Variants in TNR observed in about 807,000 individuals in gnomAD.
TNR encodes tenascin-R.
TNR carries 45 observed loss-of-function variants against 150.4 expected under a neutral mutation model. That is an observed-to-expected ratio of 0.30 (90% CI 0.24 to 0.38). The LOEUF (loss-of-function observed/expected upper bound fraction) is 0.38, where lower values mean the gene tolerates loss of function less well. Ranked by LOEUF, TNR falls within the 10% of genes least tolerant of loss-of-function variation. TNR has a pLI of 1.00. For synonymous variants in TNR, 687 were observed against 678.4 expected, an observed-to-expected ratio of 1.01 and a Z score of -0.20; for missense variants, 1,544 against 1,759.1, an observed-to-expected ratio of 0.88 and a Z score of 2.19.
intron 1 of TNR, among the ~76,000 whole-genome samples, chr1:175,567,172 T>G (rs1227911502): frequency 4.6e-5 from 7 of 152,178 alleles, no homozygotes; most frequent in South Asian, 4.1e-4. Context: ...CTAAAAATCA[T>G]GTGTGTATAA....
rs368643229 is a variant in TNR, at chr1:175,573,714, C to T, written c.-164-45345G>A. On this transcript the variant is annotated intron_variant, in intron 1 of 22. Transcript: ENST00000367674. Reference sequence around the variant, plus strand: ...CTGGGGCACTGGCAGATTTCCAGCACGGCTGGGGGTGGCAGGGTGGGCGTG... The same window carrying T: ...CTGGGGCACTGGCAGATTTCCAGCATGGCTGGGGGTGGCAGGGTGGGCGTG... Among the ~76,000 whole-genome samples the T allele has an allele frequency of 2.3e-4, 35 of 152,296 alleles. No individual in the cohort carries two copies. The South Asian group carries it at 2.5e-3, about 11-fold the overall frequency.
intron 1 of TNR, among the ~76,000 whole-genome samples, chr1:175,638,467 G>T (rs996791084): frequency 3.3e-5 from 5 of 152,164 alleles, no homozygotes; most frequent in Non-Finnish European, 5.9e-5. Context: ...GCGGTAAGTG[G>T]GCACTCGTGC....
intron 2 of TNR, among the ~76,000 whole-genome samples, chr1:175,456,904 T>A (rs1656595420): frequency 6.6e-6 from 1 of 152,152 alleles, no homozygotes; most frequent in Non-Finnish European, 1.5e-5. Context: ...ATTTAGACAA[T>A]TTATGAGTCA....
intron 1 of TNR, among the ~76,000 whole-genome samples, chr1:175,602,579 C>G (rs921365999): frequency 1.3e-5 from 2 of 152,240 alleles, no homozygotes; most frequent in African/African-American, 4.8e-5. Flanking sequence ...GGACACTGCA[C>G]TGTGTCCTTC....
intron 4 of TNR, 29 bp downstream of exon 4, chr1:175,403,111 C>G (rs1422462212): frequency 6.3e-7 from 1 of 1,578,154 alleles, no homozygotes; most frequent in South Asian, 1.1e-5. Context: ...CCACCCTTGC[C>G]AAACACCCCA....
chr1:175,509,262 C>T (rs1427853305), intron 2 of TNR, among the ~76,000 whole-genome samples: 1 of 152,162 alleles, frequency 6.6e-6, no homozygotes, highest in Non-Finnish European at 1.5e-5. Flanking sequence ...GACCTAACAC[C>T]TACAAGCTTT....
chr1:175,572,589 G>C (rs1661923377), intron 1 of TNR, among the ~76,000 whole-genome samples: 1 of 152,010 alleles, frequency 6.6e-6, no homozygotes, highest in South Asian at 2.1e-4. Flanking sequence ...TGGTGTTTGT[G>C]TTTAGTTCAA....
At chr1:175,337,828 G>A in intron 18 of TNR, 149 bp from the exon 19 acceptor site, 1 of 851,394 alleles carries the variant, frequency 1.2e-6, no homozygotes, top group South Asian at 1.8e-5. Context: ...GTGGGTGTGG[G>A]GACTTGGCAT....
In TNR at chr1:175,403,482, C is replaced by A. The variant is rs756376410; in HGVS notation, c.634G>T (p.Gly212Trp). ...ATGCACTGGCCATCCACACACACCC[C>A]CCGGCTGGAGCAACCCAGCGGGCAG... ...PYCPLGCSSR[G>W]VCVDGQCICD... Residue 212 changes from glycine (G) to tryptophan (W), a missense_variant, in exon 4 of 23, where the codon GGG (glycine) becomes TGG (tryptophan). Transcript: ENST00000367674. The A allele has an allele frequency of 1.2e-6, 2 of 1,614,244 alleles. No homozygotes were observed. Among genetic ancestry groups the A allele is most frequent in the Non-Finnish European group, 1.7e-6 (2 of 1,180,048 alleles).
chr1:175,529,842 T>G (rs1038226385), intron 1 of TNR, among the ~76,000 whole-genome samples: 1 of 152,190 alleles, frequency 6.6e-6, no homozygotes, highest in Admixed American at 6.5e-5. Context: ...CAATATCTTT[T>G]GAACCAACTG....
intron 3 of TNR, among the ~76,000 whole-genome samples, chr1:175,404,319 C>A (rs555344288): frequency 6.6e-6 from 1 of 152,264 alleles, no homozygotes; most frequent in Admixed American, 6.5e-5. Flanking sequence ...TCCCTGCCTG[C>A]CATCTGACTC....
At chr1:175,436,771 T>C (rs1280453732) in intron 2 of TNR, among the ~76,000 whole-genome samples, 1 of 152,228 alleles carries the variant, frequency 6.6e-6, no homozygotes, top group African/African-American at 2.4e-5. Flanking sequence ...CCAACAAAGA[T>C]CAAAAGAGAC....
intron 20 of TNR, among the ~76,000 whole-genome samples, chr1:175,331,163 T>TTCCC (rs1268069720): frequency 3.6e-5 from 1 of 27,456 alleles, no homozygotes; most frequent in Non-Finnish European, 6.1e-5. Context: ...TTCTTTTTCT[T>TTCCC]TCCTTCCTTC....
At position 175,379,666 on chromosome 1, in the gene TNR, T is replaced by C. The variant is rs769396594; in HGVS notation, c.1849A>G (p.Ser617Gly). 1 of 1,614,220 alleles carries C rather than the reference T, an allele frequency of 6.2e-7. No homozygotes were observed. The highest frequency in any genetic ancestry group is 1.7e-5 in the Admixed American group (1 of 60,028). The change falls in exon 9 of 23, where the codon AGT becomes GGT. Residue 617 changes from serine (S) to glycine (G), a missense_variant. Ser to Gly is a moderately conservative substitution (Grantham distance 56). Coordinates refer to ENST00000367674, the MANE Select transcript of TNR (RefSeq NM_003285.3). ...TTGTACTCCTGAACTTCGGCTTCAC[T>C]GTTATCCCACTCGAGGTCAAGGCTG... ...ATSLDLEWDN[S>G]EAEVQEYKVV...
chr1:175,730,363 C>T (rs991508580), intron 1 of TNR, among the ~76,000 whole-genome samples: 8 of 152,168 alleles, frequency 5.3e-5, no homozygotes, highest in African/African-American at 1.9e-4. Flanking sequence ...TCCACTCCTA[C>T]CTGACACAGC....
chr1:175,510,083 G>T (rs1659108430), intron 2 of TNR, among the ~76,000 whole-genome samples: 1 of 151,950 alleles, frequency 6.6e-6, no homozygotes, highest in Admixed American at 6.6e-5. Context: ...ATAAAAATTA[G>T]CTGTATGTGG....
intron 2 of TNR, among the ~76,000 whole-genome samples, chr1:175,493,868 ACT>A (rs1205048604): frequency 6.6e-6 from 1 of 151,490 alleles, no homozygotes; most frequent in Non-Finnish European, 1.5e-5. Flanking sequence ...TCTGAAACAC[ACT>A]CTGTGTACTT....
At chr1:175,660,606 G>C (rs1030199124) in intron 1 of TNR, among the ~76,000 whole-genome samples, 1 of 152,176 alleles carries the variant, frequency 6.6e-6, no homozygotes, top group African/African-American at 2.4e-5. Flanking sequence ...CCACAAATAA[G>C]TTTCCGTCAT....
intron 1 of TNR, among the ~76,000 whole-genome samples, 167 bp from the exon 2 acceptor site, chr1:175,528,536 C>T (rs986413454): frequency 6.6e-6 from 1 of 152,136 alleles, no homozygotes; most frequent in African/African-American, 2.4e-5. Context: ...TTTTTCTCTC[C>T]AGAGACTTTC....
Sources: allele counts gnomAD v4.1 joint callset (sites outside exome capture counted in the v4.1 genomes callset), GRCh38; gene constraint gnomAD v4.1.1; transcripts MANE v1.5; gene names NCBI Gene and HGNC (gene_info 2026-07-23, HGNC 2026-07-21).